GRHL2: variants seen among roughly 807,000 people sequenced by gnomAD.
GRHL2 encodes grainyhead-like protein 2 homolog.
In GRHL2, 21 loss-of-function variants were observed where a neutral mutation model predicts 83.8. The observed-to-expected ratio is 0.25, with a 90% CI of 0.18 to 0.36. GRHL2 has a LOEUF of 0.36. Among genes scored for constraint, GRHL2 ranks in the 10% least tolerant of loss-of-function variants. The pLI is 1.00. For synonymous variants in GRHL2, 280 were observed against 278.9 expected, an observed-to-expected ratio of 1.00 and a Z score of -0.04; for missense variants, 623 against 781.8, an observed-to-expected ratio of 0.80 and a Z score of 2.42.
chr8:101,664,513 A>T lies in GRHL2; in HGVS notation c.1758A>T (p.Lys586Asn). 1 of 1,611,094 alleles carries T rather than the reference A, an allele frequency of 6.2e-7. No individual in the cohort carries two copies. Among genetic ancestry groups the T allele is most frequent in the South Asian group, 1.1e-5 (1 of 90,992 alleles). The change falls in exon 15 of 16, where the codon AAA becomes AAT. Residue 586 changes from lysine to asparagine, a missense_variant. Coordinates refer to ENST00000646743, the MANE Select transcript of GRHL2 (RefSeq NM_024915.4). ...TAGCAAAGCTTTACAAGAAAAGCAA[A>T]AAAGGGTAAGAAAGAAACTGAACTT... is the stretch of plus-strand genomic sequence containing the variant. Reference protein sequence around the residue: ...EKIAKLYKKSKKGILVNMDDN... With the variant: ...EKIAKLYKKSNKGILVNMDDN...
intron 5 of GRHL2, among the ~76,000 whole-genome samples, chr8:101,572,146 T>C (rs1811840241): frequency 6.6e-6 from 1 of 152,218 alleles, no homozygotes; most frequent in Non-Finnish European, 1.5e-5. Flanking sequence ...GAAAATTCAC[T>C]GCTTTCTTCA....
intron 8 of GRHL2, among the ~76,000 whole-genome samples, chr8:101,610,818 A>C (rs553509851): frequency 6.6e-6 from 1 of 150,992 alleles, no homozygotes; most frequent in African/African-American, 2.5e-5. Context: ...ACTTCTCACC[A>C]CTTGAAAGCC....
chr8:101,599,163 T>A lies in GRHL2; in HGVS notation c.1098+12T>A. 4 of 1,550,746 alleles carry A rather than the reference T, an allele frequency of 2.6e-6. No homozygotes were observed. The highest frequency in any genetic ancestry group is 3.6e-6 in the Non-Finnish European group (4 of 1,122,140). ...ATGAAGAGGCGAAGGTGAGTGACAT[T>A]GATTCATTGTTTATACCTCTTAATA... On this transcript the variant is annotated intron_variant, in intron 8 of 15. Coordinates refer to ENST00000646743, the MANE Select transcript of GRHL2 (RefSeq NM_024915.4).
chr8:101,527,535 C>T (rs978934131), intron 1 of GRHL2, among the ~76,000 whole-genome samples: 1 of 152,080 alleles, frequency 6.6e-6, no homozygotes, highest in African/African-American at 2.4e-5. Flanking sequence ...CTCCTGTCAC[C>T]TCTCAGGTGT....
chr8:101,665,383 A>G (rs1035206266), intron 15 of GRHL2, among the ~76,000 whole-genome samples: 1 of 152,214 alleles, frequency 6.6e-6, no homozygotes, highest in African/African-American at 2.4e-5. Context: ...TCTTCTCCGG[A>G]TCACTTTCAT....
intron 8 of GRHL2, among the ~76,000 whole-genome samples, chr8:101,603,845 A>G (rs747694028): frequency 1.3e-5 from 2 of 152,058 alleles, no homozygotes; most frequent in Non-Finnish European, 2.9e-5. Flanking sequence ...CTGAGTGTCC[A>G]CACTGTCACT....
chr8:101,636,949 A>G (rs775812391), intron 12 of GRHL2, 21 bp downstream of exon 12: 45 of 1,609,950 alleles, frequency 2.8e-5, no homozygotes, highest in Non-Finnish European at 3.4e-5. Context: ...CAGTTCTTTC[A>G]TTTCAACACT....
intron 8 of GRHL2, among the ~76,000 whole-genome samples, chr8:101,616,171 T>C (rs1396820968): frequency 1.3e-5 from 2 of 150,382 alleles, no homozygotes; most frequent in African/African-American, 2.4e-5. Context: ...TTCCTTTCTC[T>C]CTCTCTCTCT....
intron 8 of GRHL2, among the ~76,000 whole-genome samples, chr8:101,602,777 C>A (rs560171606): frequency 9.8e-5 from 15 of 152,312 alleles, no homozygotes; most frequent in African/African-American, 2.6e-4. Context: ...AGTTTTCATG[C>A]CCAACTATGT....
At chr8:101,636,831 C>T (rs868370346) in intron 11 of GRHL2, 66 bp from the exon 12 acceptor site, 13 of 1,405,772 alleles carry the variant, frequency 9.2e-6, no homozygotes, top group South Asian at 2.3e-5. Context: ...AAAGTCTGTA[C>T]ATCACGTAAT....
intron 7 of GRHL2, among the ~76,000 whole-genome samples, chr8:101,577,996 G>C (rs1251276982): frequency 3.3e-5 from 5 of 152,196 alleles, no homozygotes; most frequent in Admixed American, 3.3e-4. Context: ...AGCAATGCTA[G>C]GTGGTCACGC....
At chr8:101,629,060 C>T (rs939153851) in intron 9 of GRHL2, among the ~76,000 whole-genome samples, 4 of 152,124 alleles carry the variant, frequency 2.6e-5, no homozygotes, top group African/African-American at 4.8e-5. Context: ...GGATTGATTC[C>T]GATTTTGAAA....
intron 4 of GRHL2, among the ~76,000 whole-genome samples, chr8:101,560,973 C>T (rs529960870): frequency 1.3e-5 from 2 of 151,798 alleles, no homozygotes; most frequent in South Asian, 4.2e-4. Context: ...TGAGCGACGG[C>T]ATTTAATCTG....
intron 1 of GRHL2, among the ~76,000 whole-genome samples, chr8:101,494,278 C>T (rs889321281): frequency 1.3e-5 from 2 of 152,170 alleles, no homozygotes; most frequent in African/African-American, 4.8e-5. Context: ...GAAGGACTAG[C>T]CTCAACATAA....
At chr8:101,503,241 G>GGT (rs1810268428) in intron 1 of GRHL2, among the ~76,000 whole-genome samples, 2 of 151,988 alleles carry the variant, frequency 1.3e-5, no homozygotes, top group Admixed American at 1.3e-4. Flanking sequence ...CTGGAGTCCT[G>GGT]GTGTATACTT....
intron 7 of GRHL2, among the ~76,000 whole-genome samples, chr8:101,594,215 C>G (rs1812348006): frequency 6.6e-6 from 1 of 151,714 alleles, no homozygotes; most frequent in Admixed American, 6.6e-5. Flanking sequence ...AGCTTGATTT[C>G]AAACTCCTGG....
chr8:101,647,241 T>C (rs1278771486), intron 13 of GRHL2, among the ~76,000 whole-genome samples: 1 of 152,202 alleles, frequency 6.6e-6, no homozygotes, highest in East Asian at 1.9e-4. Context: ...GGCACATGCC[T>C]GTAATCTCAG....
chr8:101,588,556 AT>A (rs1312234990), intron 7 of GRHL2, among the ~76,000 whole-genome samples: 7 of 152,144 alleles, frequency 4.6e-5, no homozygotes, highest in Non-Finnish European at 8.8e-5. Context: ...CATTCTGTGT[AT>A]GTGATTTGGG....
rs1318510126 is a variant in GRHL2, at chr8:101,668,366, C to CTCA, written c.*1666_*1668dup. On this transcript the variant is annotated 3_prime_UTR_variant, in exon 16 of 16. Coordinates refer to ENST00000646743, the MANE Select transcript of GRHL2 (RefSeq NM_024915.4). ...CTCTAAGGGCTTCCTGCGCTCCCAC[C>CTCA]TCATCTGTCCCTGAGATGCAGAGCA... 6.5e-6 allele frequency: 1 copy of CTCA among 152,716 alleles called. No individual in the cohort carries two copies. The highest frequency in any genetic ancestry group is 1.5e-5 in the Non-Finnish European group (1 of 68,104). 9.5% of individuals were successfully genotyped at this position (152,716 alleles called of 1,614,324 possible).
Sources: allele counts gnomAD v4.1 joint callset (sites outside exome capture counted in the v4.1 genomes callset), GRCh38; gene constraint gnomAD v4.1.1; transcripts MANE v1.5; gene names NCBI Gene and HGNC (gene_info 2026-07-23, HGNC 2026-07-21).